The following LOXHD1 variants were observed in gnomAD, a reference collection of about 807,000 sequenced individuals.
LOXHD1 encodes lipoxygenase homology domain-containing protein 1.
LOXHD1 carries 205 observed loss-of-function variants against 248.2 expected under a neutral mutation model. That is an observed-to-expected ratio of 0.83 (90% CI 0.74 to 0.93). The LOEUF is 0.93. LOXHD1 is among the 40% of genes least tolerant of loss of function. The pLI is 0.00. For synonymous variants in LOXHD1, 1,113 were observed against 1,162.8 expected (o/e 0.96, Z 0.87); for missense variants, 2,930 against 2,971.6 (o/e 0.99, Z 0.33).
At chr18:46,545,176 C>G (rs1301384473) in intron 23 of LOXHD1, 141 bp downstream of exon 23, 19 of 642,460 alleles carry the variant, frequency 3.0e-5, no homozygotes, top group Non-Finnish European at 2.7e-6. Context: ...AAAGGAACTG[C>G]CTTTCTCGAT....
At chr18:46,650,104 T>G (rs2039089453) in intron 1 of LOXHD1, among the ~76,000 whole-genome samples, 1 of 151,912 alleles carries the variant, frequency 6.6e-6, no homozygotes, top group African/African-American at 2.4e-5. Flanking sequence ...TAGAGCCACA[T>G]CCCCTCCGCC....
chr18:46,649,169 G>A lies in LOXHD1; in HGVS notation c.231C>T (p.Leu77=), dbSNP rs200306249. The A allele has an allele frequency of 2.0e-4, 316 of 1,551,564 alleles. 1 individual carries two copies. Among genetic ancestry groups the A allele is most frequent in the Non-Finnish European group, 2.6e-4 (296 of 1,146,986 alleles). Reference sequence around the variant, plus strand: ...TGGGTACTCACTTGCTGGTGAGCTGGAGCTTGGGAGAGAGCCCATTCTCTC... The same window carrying A: ...TGGGTACTCACTTGCTGGTGAGCTGAAGCTTGGGAGAGAGCCCATTCTCTC... ...LFGENGLSPK[L]QLTSKSKSAF... is the part of the protein sequence containing the mutation. Residue 77 remains leucine (L), a synonymous_variant, in exon 2 of 41, where the codon CTC becomes CTT. Coordinates refer to ENST00000642948, the MANE Select transcript of LOXHD1 (RefSeq NM_001384474.1).
In LOXHD1 at chr18:46,518,256, C is replaced by T. The variant is rs535485519; in HGVS notation, c.5272G>A (p.Val1758Ile). The change falls in exon 34 of 41, where the codon GTT (valine) becomes ATT (isoleucine). Residue 1758 changes from valine to isoleucine, a missense_variant and splice_region_variant. Val to Ile is a conservative substitution (Grantham distance 29, BLOSUM62 3). Transcript: ENST00000642948. ...DAMVVNIGVK[V>I]LYEMTVWTGD... ...GTCCACACCGTCATTTCATAGAGAA[C>T]CTGCCATGAGAGGAATGCAGGTGCT... The T allele has an allele frequency of 9.0e-5, 140 of 1,551,466 alleles. 1 individual carries two copies. The East Asian group carries it at 3.0e-3, about 33-fold the overall frequency.
chr18:46,576,342 C>T (rs550126633), intron 14 of LOXHD1, among the ~76,000 whole-genome samples: 38 of 152,282 alleles, frequency 2.5e-4, no homozygotes, highest in East Asian at 3.9e-4. Context: ...CCGCTTCCCC[C>T]GTGGCTTAGG....
Position 46,557,803 on chromosome 18 carries a change from G to A in LOXHD1, c.3217-314C>T, listed in dbSNP as rs2037403941. On this transcript the variant is annotated intron_variant, in intron 20 of 40. Transcript: ENST00000642948. ...TTTGCTGGATGCCCACATCTGTGGTGGGTGTTTTGTGTGCAAGAGAGGGGG... is the reference window on the plus strand; with the variant it reads ...TTTGCTGGATGCCCACATCTGTGGTAGGTGTTTTGTGTGCAAGAGAGGGGG... The A allele has an allele frequency of 2.5e-6, 3 of 1,220,630 alleles. No individual in the cohort carries two copies. In the African/African-American group the frequency reaches 4.6e-5, roughly 19 times the overall value. 75.6% of individuals were successfully genotyped at this position (1,220,630 alleles called of 1,614,324 possible).
intron 34 of LOXHD1, among the ~76,000 whole-genome samples, chr18:46,511,394 T>C (rs1264672378): frequency 6.6e-6 from 1 of 152,156 alleles, no homozygotes; most frequent in Non-Finnish European, 1.5e-5. Flanking sequence ...TGGCCCAGGA[T>C]TTTTGCTGTT....
chr18:46,520,837 A>G (rs759535290), intron 33 of LOXHD1: 3 of 468,706 alleles, frequency 6.4e-6, no homozygotes, highest in Non-Finnish European at 1.2e-5. Flanking sequence ...GCAGGGATGC[A>G]TTATTTCTAA....
At chr18:46,520,746 AGCT>A (rs372954679) in intron 33 of LOXHD1, 28 of 264,546 alleles carry the variant, frequency 1.1e-4, no homozygotes, top group African/African-American at 6.2e-4. Flanking sequence ...GTCTACATAG[AGCT>A]GCTTACTCAC....
Position 46,521,284 on chromosome 18 carries a change from TAGG to T in LOXHD1, c.5086-5_5086-3del. On this transcript the variant is annotated splice_region_variant and splice_polypyrimidine_tract_variant and intron_variant, in intron 32 of 40. Transcript: ENST00000642948. ...AGGGGAGGCCCCGTCATGGCCCAGC[TAGG>T]AGGAGACACACCTGATCTGTGACGA... 1.3e-6 allele frequency: 2 copies of T among 1,551,586 alleles called. No individual in the cohort carries two copies. Among genetic ancestry groups the T allele is most frequent in the Non-Finnish European group, 1.7e-6 (2 of 1,146,976 alleles).
chr18:46,488,181 C>T (rs2033203754), intron 38 of LOXHD1, among the ~76,000 whole-genome samples: 1 of 152,132 alleles, frequency 6.6e-6, no homozygotes, highest in African/African-American at 2.4e-5. Flanking sequence ...GTGGGAGGGG[C>T]TGCAGAGAGG....
chr18:46,569,006 C>A (rs2037697494), intron 16 of LOXHD1, among the ~76,000 whole-genome samples: 1 of 152,176 alleles, frequency 6.6e-6, no homozygotes. Context: ...AGCTTCCTGG[C>A]CCCAATTCTG....
At chr18:46,610,699 T>A (rs916289300) in intron 6 of LOXHD1, 77 bp downstream of exon 6, 7 of 1,442,058 alleles carry the variant, frequency 4.9e-6, no homozygotes, top group African/African-American at 1.4e-5. Flanking sequence ...AAGTTGGGAC[T>A]GAGATACAAC....
intron 37 of LOXHD1, among the ~76,000 whole-genome samples, chr18:46,490,509 C>T (rs4890660): frequency 0.14 from 20,782 of 152,248 alleles, 2,712 homozygotes; most frequent in East Asian, 0.73. Flanking sequence ...GAGTTTCACC[C>T]TTGTTGCCCA....
rs1256277774 is a variant in LOXHD1 at position 46,494,847 on chromosome 18, C to CTTTTT, written c.5879-5706_5879-5705insAAAAA. ...ATTTTTCTTTCTCCTTTTTCTCTCTCTCTTTTTTTTTTTTTTTTTTTTTTG... is the reference window on the plus strand; with the variant it reads ...ATTTTTCTTTCTCCTTTTTCTCTCTCTTTTTTCTTTTTTTTTTTTTTTTTTTTTTG... On this transcript the variant is annotated intron_variant, in intron 37 of 40. Coordinates refer to ENST00000642948, the MANE Select transcript of LOXHD1 (RefSeq NM_001384474.1). 2.5e-4 allele frequency among the ~76,000 whole-genome samples: 28 copies of CTTTTT among 113,426 alleles called. 2 individuals carry two copies. The highest frequency in any genetic ancestry group is 5.5e-4 in the African/African-American group (18 of 32,712). The allele number at this position is 113,426 out of a possible 152,430, so 74.4% of individuals were successfully genotyped here. A position where few individuals can be genotyped will look rare whatever the true frequency, so the allele number is the denominator to read the frequency against.
intron 34 of LOXHD1, among the ~76,000 whole-genome samples, chr18:46,516,489 A>T (rs537588020): frequency 1.3e-5 from 2 of 152,332 alleles, no homozygotes; most frequent in South Asian, 2.1e-4. Flanking sequence ...GGATGGGCAA[A>T]GCTCCAGCTT....
chr18:46,494,840 T>C (rs1182877746), intron 37 of LOXHD1, among the ~76,000 whole-genome samples: 1 of 124,074 alleles, frequency 8.1e-6, no homozygotes, highest in South Asian at 2.7e-4. Context: ...TTCTCCTTTT[T>C]CTCTCTCTCT....
intron 8 of LOXHD1, among the ~76,000 whole-genome samples, chr18:46,596,663 C>T (rs2038261097): frequency 6.6e-6 from 1 of 152,100 alleles, no homozygotes; most frequent in Non-Finnish European, 1.5e-5. Context: ...GAAATAGTTA[C>T]CATAAGCTTG....
Position 46,547,045 on chromosome 18 carries a change from A to T in LOXHD1, c.3364T>A (p.Cys1122Ser), listed in dbSNP as rs768020341. 4 of 1,551,642 alleles carry T rather than the reference A, an allele frequency of 2.6e-6. No homozygotes were observed. In the African/African-American group the frequency reaches 4.1e-5, roughly 16 times the overall value. ...MNNEITYYFP[C>S]QRWLAVEEDD... ...TCCTCCACTGCCAGCCAACGTTGGC[A>T]TGGAAAGTAGTACCTGTGGGGGTGG... Residue 1122 changes from cysteine (C) to serine (S), a missense_variant, in exon 22 of 41, where the codon TGC (cysteine) becomes AGC (serine). Physicochemically the swap from Cys to Ser is moderately radical, Grantham distance 112. Transcript: ENST00000642948.
At chr18:46,643,236 G>T (rs566242379) in intron 2 of LOXHD1, among the ~76,000 whole-genome samples, 4 of 152,158 alleles carry the variant, frequency 2.6e-5, no homozygotes, top group Admixed American at 2.0e-4. Context: ...ATGCAGCCTG[G>T]GTGCAAAGGA....
Sources: gnomAD v4.1 joint callset for allele counts (sites outside exome capture counted in the v4.1 genomes callset) on GRCh38, gnomAD v4.1.1 for gene constraint, MANE v1.5 for transcripts, NCBI Gene and HGNC (gene_info 2026-07-23, HGNC 2026-07-21) for gene names.